RALGAPB: variants seen among roughly 807,000 people sequenced by gnomAD.
RALGAPB encodes the protein Ral GTPase activating protein non-catalytic subunit beta.
A neutral mutation model predicts 161.1 loss-of-function variants in RALGAPB; 25 were observed. That is an observed-to-expected ratio of 0.16 (90% CI 0.11 to 0.22). The LOEUF (loss-of-function observed/expected upper bound fraction) is 0.22, where lower values mean the gene tolerates loss of function less well. Ranked by LOEUF, RALGAPB falls within the 10% of genes least tolerant of loss-of-function variation. The pLI is 1.00. For missense variants in RALGAPB, 1,391 were observed against 1,815.2 expected, an observed-to-expected ratio of 0.77 and a Z score of 4.25; for synonymous variants, 629 against 626.1, an observed-to-expected ratio of 1.00 and a Z score of -0.07.
Position 38,576,271 on chromosome 20 carries a change from A to G in RALGAPB, c.*1304A>G, listed in dbSNP as rs2088432748. 6.5e-6 allele frequency: 1 copy of G among 152,694 alleles called. No homozygotes were observed. The highest frequency in any genetic ancestry group is 2.1e-4 in the South Asian group (1 of 4,830). The allele number at this position is 152,694 out of a possible 1,614,324, so 9.5% of individuals were successfully genotyped here. On this transcript the variant is annotated 3_prime_UTR_variant, in exon 30 of 30. Coordinates refer to ENST00000262879, the MANE Select transcript of RALGAPB (RefSeq NM_020336.4). ...AGAAAATAAGTGATATTTAAAGTCC[A>G]AAGAGGAATGATCACAGTTGTATAA...
At chr20:38,510,537 C>T (rs1244880632) in intron 6 of RALGAPB, among the ~76,000 whole-genome samples, 6 of 152,140 alleles carry the variant, frequency 3.9e-5, no homozygotes, top group Admixed American at 6.5e-5. Flanking sequence ...GAAGGAAAAA[C>T]CTCAACGAAA....
rs2087827201 is a variant in RALGAPB at position 38,562,706 on chromosome 20, C to CA, written c.3697+10dup. 3.2e-6 allele frequency: 5 copies of CA among 1,580,046 alleles called. No homozygotes were observed. The highest frequency in any genetic ancestry group is 1.2e-5 in the South Asian group (1 of 84,534). On this transcript the variant is annotated intron_variant, in intron 24 of 29. Transcript: ENST00000262879. ...TGAAGGATCTCAACAAGGTAAAACT[C>CA]ACAGTGTTTCAAATGTCAGTTGTTT...
At chr20:38,499,818 A>ACTTG in intron 5 of RALGAPB, 185 bp downstream of exon 5, 1 of 436,388 alleles carries the variant, frequency 2.3e-6, no homozygotes, top group Non-Finnish European at 3.8e-6. Context: ...ATTTCAGAAT[A>ACTTG]ATCAAGTATT....
At chr20:38,501,460 A>G (rs1056238860) in intron 5 of RALGAPB, among the ~76,000 whole-genome samples, 2 of 152,204 alleles carry the variant, frequency 1.3e-5, no homozygotes, top group Non-Finnish European at 2.9e-5. Flanking sequence ...AAAAATAGCC[A>G]GGTGTGGTGG....
chr20:38,473,933 C>T (rs956201067), intron 1 of RALGAPB, among the ~76,000 whole-genome samples: 3 of 152,196 alleles, frequency 2.0e-5, no homozygotes, highest in Non-Finnish European at 4.4e-5. Flanking sequence ...AAGCATCTCT[C>T]TTTCTCCAGC....
intron 19 of RALGAPB, 85 bp from the exon 20 acceptor site, chr20:38,548,604 A>G: frequency 9.3e-7 from 1 of 1,070,288 alleles, no homozygotes; most frequent in Non-Finnish European, 1.4e-6. Flanking sequence ...GCCTTTGATT[A>G]TGAGAAGCTC....
At chr20:38,554,828 A>G (rs2087518884) in intron 22 of RALGAPB, among the ~76,000 whole-genome samples, 1 of 152,202 alleles carries the variant, frequency 6.6e-6, no homozygotes, top group Non-Finnish European at 1.5e-5. Context: ...CTATAATCCC[A>G]ACACTTTGGG....
chr20:38,571,426 C>CT (rs1330020195), intron 28 of RALGAPB, among the ~76,000 whole-genome samples: 2 of 152,100 alleles, frequency 1.3e-5, no homozygotes, highest in South Asian at 2.1e-4. Context: ...CTCTGCTTCT[C>CT]TGAGTTTATT....
At chr20:38,486,192 C>T (rs759239982) in intron 1 of RALGAPB, among the ~76,000 whole-genome samples, 7 of 151,912 alleles carry the variant, frequency 4.6e-5, no homozygotes, top group African/African-American at 1.5e-4. Context: ...AGGCTGGTCT[C>T]GAACTCCTGA....
intron 18 of RALGAPB, among the ~76,000 whole-genome samples, chr20:38,543,064 G>A (rs1205998816): frequency 5.9e-5 from 9 of 152,172 alleles, no homozygotes; most frequent in African/African-American, 1.9e-4. Context: ...GGTGAGTAGA[G>A]TCTTGGGATG....
Position 38,557,686 on chromosome 20 carries a change from A to G in RALGAPB, c.3373-609A>G, listed in dbSNP as rs557424877. ...TTTAAGGTTTCTTCATTCAGTATGC[A>G]TTTAATGTGTCTTTTTGGGTTGGTG... On this transcript the variant is annotated intron_variant, in intron 22 of 29. Coordinates refer to ENST00000262879, the MANE Select transcript of RALGAPB (RefSeq NM_020336.4). 1.1e-4 allele frequency among the ~76,000 whole-genome samples: 16 copies of G among 152,316 alleles called. No homozygotes were observed. In the South Asian group the frequency reaches 3.3e-3, roughly 32 times the overall value.
chr20:38,503,712 A>G (rs1212746465), intron 5 of RALGAPB, among the ~76,000 whole-genome samples: 5 of 152,254 alleles, frequency 3.3e-5, no homozygotes, highest in Non-Finnish European at 5.9e-5. Flanking sequence ...TCCGATTTTG[A>G]AAGAAGTTCT....
chr20:38,558,271 G>T, intron 22 of RALGAPB, 24 bp from the exon 23 acceptor site: 1 of 1,473,528 alleles, frequency 6.8e-7, no homozygotes, highest in Non-Finnish European at 9.1e-7. Context: ...GGTAATAATT[G>T]CTCCTTTCTT....
chr20:38,526,816 T>A (rs2086486483), intron 13 of RALGAPB, among the ~76,000 whole-genome samples: 1 of 152,226 alleles, frequency 6.6e-6, no homozygotes, highest in African/African-American at 2.4e-5. Flanking sequence ...GAGACCCTGA[T>A]GAACAGAGGA....
chr20:38,575,006 A>T lies in RALGAPB; in HGVS notation c.*39A>T, dbSNP rs1015978778. 6.7e-7 allele frequency: 1 copy of T among 1,502,178 alleles called. No individual in the cohort carries two copies. Among genetic ancestry groups the T allele is most frequent in the Non-Finnish European group, 9.3e-7 (1 of 1,078,534 alleles). 93.1% of individuals were successfully genotyped at this position (1,502,178 alleles called of 1,614,324 possible). On this transcript the variant is annotated 3_prime_UTR_variant, in exon 30 of 30. Transcript: ENST00000262879. ...TAAGACTGTTGAACTCCAGTTTGGG[A>T]ACTATAACACAGCAGAACAGTTTGA...
chr20:38,501,183 C>G (rs1234898483), intron 5 of RALGAPB, among the ~76,000 whole-genome samples: 1 of 152,208 alleles, frequency 6.6e-6, no homozygotes, highest in Non-Finnish European at 1.5e-5. Flanking sequence ...TCTAGGACTT[C>G]TATAGCTAGA....
chr20:38,508,471 G>C (rs991863269), intron 5 of RALGAPB, among the ~76,000 whole-genome samples: 1 of 152,024 alleles, frequency 6.6e-6, no homozygotes, highest in Admixed American at 6.5e-5. Context: ...GCCTGGAAGA[G>C]GGACAAGTAA....
intron 1 of RALGAPB, among the ~76,000 whole-genome samples, chr20:38,484,173 A>G (rs911831315): frequency 2.0e-5 from 3 of 152,076 alleles, no homozygotes; most frequent in African/African-American, 7.2e-5. Context: ...GTGAGACTCC[A>G]TCTCAAAAAA....
Position 38,565,365 on chromosome 20 carries a change from T to A in RALGAPB, c.3704T>A (p.Ile1235Asn). 3 of 1,613,060 alleles carry A rather than the reference T, an allele frequency of 1.9e-6. No homozygotes were observed. The highest frequency in any genetic ancestry group is 2.5e-6 in the Non-Finnish European group (3 of 1,179,364). The change falls in exon 25 of 30, where the codon ATT becomes AAT. Residue 1235 changes from isoleucine (I) to asparagine (N), a missense_variant. Physicochemically the swap from Ile to Asn is moderately radical, Grantham distance 149. Coordinates refer to ENST00000262879, the MANE Select transcript of RALGAPB (RefSeq NM_020336.4). Reference protein sequence around the residue: ...DDGEGSQQEVISSEDIGASIF... With the variant: ...DDGEGSQQEVNSSEDIGASIF... ...TGTTTCTTTTTCCCAGAAGAAGTGA[T>A]TTCCTCTGAAGATATTGGAGCTAGC...
Sources: allele counts gnomAD v4.1 joint callset (sites outside exome capture counted in the v4.1 genomes callset), GRCh38; gene constraint gnomAD v4.1.1; transcripts MANE v1.5; gene names NCBI Gene and HGNC (gene_info 2026-07-23, HGNC 2026-07-21).